SLC35G2: variants seen among roughly 807,000 people sequenced by gnomAD.
The protein encoded by SLC35G2 is transmembrane protein 22.
SLC35G2 carries 20 observed loss-of-function variants against 27.2 expected under a neutral mutation model. The observed-to-expected ratio is 0.74, with a 90% CI of 0.52 to 1.07. The LOEUF is 1.07. Ranked by LOEUF, SLC35G2 falls within the 50% of genes least tolerant of loss-of-function variation. The probability of loss-of-function intolerance (pLI) is 0.00; values close to 1 mark genes in which losing one functional copy is unlikely to be tolerated. For missense variants in SLC35G2, 416 were observed against 493.3 expected (o/e 0.84, Z 1.48); for synonymous variants, 148 against 165.3 (o/e 0.90, Z 0.80).
chr3:136,842,121 CTT>C (rs1358886974), intron 1 of SLC35G2: 2 of 152,050 alleles, frequency 1.3e-5, no homozygotes, highest in Non-Finnish European at 2.9e-5. Flanking sequence ...ATTTATTGCT[CTT>C]GAGTTCAAAG....
Position 136,854,442 on chromosome 3 carries a change from GA to G in SLC35G2, c.-17del. ...TTTTGTCAATTTTTTTCTTTAAATA[GA>G]ATTGATTATCTGAAGAAATGGATAC... On this transcript the variant is annotated splice_region_variant and 5_prime_UTR_variant, in exon 2 of 2. Coordinates refer to ENST00000446465, the MANE Select transcript of SLC35G2 (RefSeq NM_025246.3). 6.5e-7 allele frequency: 1 copy of G among 1,537,732 alleles called. No homozygotes were observed. Among genetic ancestry groups the G allele is most frequent in the East Asian group, 2.3e-5 (1 of 43,970 alleles).
At chr3:136,842,598 T>A (rs1937145699) in intron 1 of SLC35G2, 1 of 152,078 alleles carries the variant, frequency 6.6e-6, no homozygotes, top group Non-Finnish European at 1.5e-5. Flanking sequence ...GTGAGAACAA[T>A]CTCAAAGGTG....
In SLC35G2 at chr3:136,819,184, T is replaced by C. The variant is rs1363932590; in HGVS notation, c.-463T>C. ...CGAGGGCACGCCCGCGTCAGTCGCC[T>C]CCGGGGCACCTTCCTCGCCACGACA... On this transcript the variant is annotated 5_prime_UTR_variant, in exon 1 of 2. Transcript: ENST00000446465. The C allele has an allele frequency of 6.6e-6, 1 of 152,184 alleles. No homozygotes were observed. Among genetic ancestry groups the C allele is most frequent in the Admixed American group, 6.5e-5 (1 of 15,278 alleles). 9.4% of individuals were successfully genotyped at this position (152,184 alleles called of 1,614,324 possible).
chr3:136,826,034 T>TTTTAG (rs1936576796), intron 1 of SLC35G2, among the ~76,000 whole-genome samples: 1 of 149,648 alleles, frequency 6.7e-6, no homozygotes, highest in Non-Finnish European at 1.5e-5. Context: ...CTTTTCTTTA[T>TTTTAG]TTTATTTTAT....
rs1394426509 is a variant in SLC35G2 at position 136,855,376 on chromosome 3, C to T, written c.916C>T (p.Leu306Phe). ...TIWGISTMFI[L>F]QEPIIPLDGE... Reference sequence around the variant, plus strand: ...TTGGGGAATATCTACTATGTTTATTCTTCAAGAACCCATCATCCCATTAGA... The same window carrying T: ...TTGGGGAATATCTACTATGTTTATTTTTCAAGAACCCATCATCCCATTAGA... The change falls in exon 2 of 2, where the codon CTT becomes TTT. Residue 306 changes from leucine (L) to phenylalanine (F), a missense_variant. Coordinates refer to ENST00000446465, the MANE Select transcript of SLC35G2 (RefSeq NM_025246.3). 2 of 1,614,154 alleles carry T rather than the reference C, an allele frequency of 1.2e-6. No homozygotes were observed.
At chr3:136,824,657 C>G (rs1262550590) in intron 1 of SLC35G2, among the ~76,000 whole-genome samples, 1 of 152,120 alleles carries the variant, frequency 6.6e-6, no homozygotes, top group Non-Finnish European at 1.5e-5. Context: ...TTGCCAGAGT[C>G]TCTAGGTTTT....
intron 1 of SLC35G2, among the ~76,000 whole-genome samples, chr3:136,821,943 A>G (rs1428081775): frequency 1.3e-5 from 2 of 151,962 alleles, no homozygotes; most frequent in Non-Finnish European, 2.9e-5. Context: ...TGACTACTTC[A>G]TTTTTATTTC....
At position 136,819,143 on chromosome 3, in the gene SLC35G2, C is replaced by T. The variant is rs1358620832; in HGVS notation, c.-504C>T. The T allele has an allele frequency of 2.6e-5, 4 of 152,170 alleles. No individual in the cohort carries two copies. Among genetic ancestry groups the T allele is most frequent in the Non-Finnish European group, 5.9e-5 (4 of 68,016 alleles). 9.4% of individuals were successfully genotyped at this position (152,170 alleles called of 1,614,324 possible). The stretch of plus-strand genomic sequence containing the variant: ...TCCGCAGTACTCCGGGCAGCGCCCG[C>T]CTCGATTTTCCCAGGCGAGGGCACG... On this transcript the variant is annotated 5_prime_UTR_variant, in exon 1 of 2. Coordinates refer to ENST00000446465, the MANE Select transcript of SLC35G2 (RefSeq NM_025246.3).
chr3:136,831,832 C>T (rs1936735687), intron 1 of SLC35G2, among the ~76,000 whole-genome samples: 1 of 151,460 alleles, frequency 6.6e-6, no homozygotes, highest in South Asian at 2.1e-4. Context: ...ATAGTACCTA[C>T]CTTGTTGGAC....
Position 136,819,163 on chromosome 3 carries a change from G to C in SLC35G2, c.-484G>C, listed in dbSNP as rs940991475. The C allele has an allele frequency of 6.6e-6, 1 of 152,244 alleles. No individual in the cohort carries two copies. The highest frequency in any genetic ancestry group is 2.4e-5 in the African/African-American group (1 of 41,466). The allele number at this position is 152,244 out of a possible 1,614,324, so 9.4% of individuals were successfully genotyped here. ...GCCCGCCTCGATTTTCCCAGGCGAGGGCACGCCCGCGTCAGTCGCCTCCGG... is the reference window on the plus strand; with the variant it reads ...GCCCGCCTCGATTTTCCCAGGCGAGCGCACGCCCGCGTCAGTCGCCTCCGG... On this transcript the variant is annotated 5_prime_UTR_variant, in exon 1 of 2. Coordinates refer to ENST00000446465, the MANE Select transcript of SLC35G2 (RefSeq NM_025246.3).
intron 1 of SLC35G2, among the ~76,000 whole-genome samples, chr3:136,853,544 C>G (rs990044603): frequency 6.6e-6 from 1 of 151,932 alleles, no homozygotes; most frequent in Non-Finnish European, 1.5e-5. Flanking sequence ...CATTTTAATT[C>G]TATTTTTGGA....
In SLC35G2 at chr3:136,825,485, C is replaced by T. The variant is rs372428196; in HGVS notation, c.-19+5857C>T. Among the ~76,000 whole-genome samples, 13 of 151,990 alleles carry T rather than the reference C, an allele frequency of 8.6e-5. No homozygotes were observed. The East Asian group carries it at 1.4e-3, about 16-fold the overall frequency. ...CTCAAACTCCTGGACTCAAGTGACC[C>T]GCCCCCTCAGCCTCCCAAAGTGCTG... On this transcript the variant is annotated intron_variant, in intron 1 of 1. Coordinates refer to ENST00000446465, the MANE Select transcript of SLC35G2 (RefSeq NM_025246.3).
At chr3:136,826,075 C>T (rs369135361) in intron 1 of SLC35G2, among the ~76,000 whole-genome samples, 7 of 149,128 alleles carry the variant, frequency 4.7e-5, no homozygotes, top group East Asian at 2.0e-4. Context: ...CTCACACTGT[C>T]GCCCAGCCTG....
intron 1 of SLC35G2, among the ~76,000 whole-genome samples, chr3:136,846,362 C>T (rs1937377365): frequency 6.6e-6 from 1 of 152,176 alleles, no homozygotes; most frequent in South Asian, 2.1e-4. Flanking sequence ...ATTGTTCAAG[C>T]AGACACCAAA....
chr3:136,854,830 C>CG lies in SLC35G2; in HGVS notation c.370_371insG (p.Leu124ArgfsTer4). ...TGGATGTGTAGCTCTTATCACTAGG[C>CG]TTGTTTCTGATCGGTCTAAAGTTCC... On this transcript the variant is annotated frameshift_variant, in exon 2 of 2. Transcript: ENST00000446465. LOFTEE classifies it high-confidence loss of function. 6.2e-7 allele frequency: 1 copy of CG among 1,614,196 alleles called. No individual in the cohort carries two copies. The highest frequency in any genetic ancestry group is 8.5e-7 in the Non-Finnish European group (1 of 1,180,036).
Position 136,854,676 on chromosome 3 carries a change from G to A in SLC35G2, c.216G>A (p.Met72Ile). The A allele has an allele frequency of 6.2e-7, 1 of 1,614,092 alleles. No individual in the cohort carries two copies. The highest frequency in any genetic ancestry group is 8.5e-7 in the Non-Finnish European group (1 of 1,179,996). The change falls in exon 2 of 2, where the codon ATG (methionine) becomes ATA (isoleucine). Residue 72 changes from methionine to isoleucine, a missense_variant. Transcript: ENST00000446465. ...KKKGRAFFGT[M>I]DTLPPPTEDP... ...AAGGGAGAGCTTTCTTTGGAACCAT[G>A]GATACCCTACCTCCACCAACAGAAG...
chr3:136,854,285 C>G (rs1937842435), intron 1 of SLC35G2, among the ~76,000 whole-genome samples, 158 bp from the exon 2 acceptor site: 2 of 152,172 alleles, frequency 1.3e-5, no homozygotes, highest in South Asian at 4.1e-4. Context: ...TACCATACAT[C>G]TGATAAGGCA....
chr3:136,822,182 G>T (rs1033763858), intron 1 of SLC35G2, among the ~76,000 whole-genome samples: 1 of 151,964 alleles, frequency 6.6e-6, no homozygotes, highest in Non-Finnish European at 1.5e-5. Context: ...TCATCCTTTT[G>T]TGCTATCAAA....
At chr3:136,824,998 C>T (rs554190902) in intron 1 of SLC35G2, among the ~76,000 whole-genome samples, 5 of 152,172 alleles carry the variant, frequency 3.3e-5, no homozygotes, top group Non-Finnish European at 5.9e-5. Flanking sequence ...TGAAAACATG[C>T]GGTGTTTGGT....
Sources: allele counts gnomAD v4.1 joint callset (sites outside exome capture counted in the v4.1 genomes callset), GRCh38; gene constraint gnomAD v4.1.1; transcripts MANE v1.5; gene names NCBI Gene and HGNC (gene_info 2026-07-23, HGNC 2026-07-21).